Variants in MGST2 observed in about 807,000 individuals in gnomAD.
MGST2 encodes the protein glutathione peroxidase MGST2.
A neutral mutation model predicts 16.6 loss-of-function variants in MGST2; 9 were observed. That is an observed-to-expected ratio of 0.54 (90% CI 0.33 to 0.95). The LOEUF (loss-of-function observed/expected upper bound fraction) is 0.95, where lower values mean the gene tolerates loss of function less well. Ranked by LOEUF, MGST2 falls within the 40% of genes least tolerant of loss-of-function variation. The pLI is 0.03. For missense variants in MGST2, 159 were observed against 175.1 expected, an observed-to-expected ratio of 0.91 and a Z score of 0.52; for synonymous variants, 79 against 68.0, an observed-to-expected ratio of 1.16 and a Z score of -0.79.
chr4:139,691,694 G>GATTATT (rs1491509102), intron 2 of MGST2, among the ~76,000 whole-genome samples: 6 of 130,754 alleles, frequency 4.6e-5, no homozygotes, highest in East Asian at 2.4e-4. Flanking sequence ...TGATGATGAT[G>GATTATT]ATGATTATTA....
chr4:139,675,974 C>T (rs1296263519), intron 1 of MGST2, among the ~76,000 whole-genome samples: 2 of 152,086 alleles, frequency 1.3e-5, no homozygotes, highest in African/African-American at 2.4e-5. Flanking sequence ...TAGGGAAGAT[C>T]AATTATTTCT....
chr4:139,666,097 CGT>C lies in MGST2; in HGVS notation c.58+28_58+29del, dbSNP rs746554966. The C allele has an allele frequency of 5.4e-6, 8 of 1,482,494 alleles. No homozygotes were observed. The highest frequency in any genetic ancestry group is 1.8e-4 in the Middle Eastern group (1 of 5,608). The allele number at this position is 1,482,494 out of a possible 1,614,324, so 91.8% of individuals were successfully genotyped here. A position where few individuals can be genotyped will look rare whatever the true frequency, so the allele number is the denominator to read the frequency against. On this transcript the variant is annotated intron_variant, in intron 1 of 4. Coordinates refer to ENST00000265498, the MANE Select transcript of MGST2 (RefSeq NM_002413.5). Reference sequence around the variant, plus strand: ...AGCAAAGTAAGAGGCATGGGAAGTTCGTGTGTGTGCGCGTGTGTGCGTGTGTG... The same window carrying C: ...AGCAAAGTAAGAGGCATGGGAAGTTCGTGTGTGCGCGTGTGTGCGTGTGTG...
chr4:139,707,428 C>T (rs1727563394), downstream of MGST2, among the ~76,000 whole-genome samples: 1 of 152,022 alleles, frequency 6.6e-6, no homozygotes, highest in African/African-American at 2.4e-5. Flanking sequence ...ATATGTGCCA[C>T]ATTTTCTTAA....
At chr4:139,730,989 A>G (rs1001263598) in intron 5 of MGST2, 1 of 340,588 alleles carries the variant, frequency 2.9e-6, no homozygotes, top group Non-Finnish European at 5.5e-6. Flanking sequence ...AGGAAAGGGA[A>G]TAAGCCCTCA....
intron 5 of MGST2, among the ~76,000 whole-genome samples, chr4:139,710,694 C>T (rs963021421): frequency 2.0e-5 from 3 of 152,144 alleles, no homozygotes; most frequent in African/African-American, 7.2e-5. Context: ...CTAAGGGTAG[C>T]GATGGCCTCT....
At chr4:139,746,075 G>A in the MGST2 span, among the ~76,000 whole-genome samples, 1 of 152,194 alleles carries the variant, frequency 6.6e-6, no homozygotes, top group Admixed American at 6.5e-5. Flanking sequence ...ATGACAAGTA[G>A]ACTTCATAAC....
intron 2 of MGST2, among the ~76,000 whole-genome samples, chr4:139,683,937 T>TTTTTTTTG: frequency 6.8e-6 from 1 of 146,026 alleles, no homozygotes. Context: ...TTTTTTTTTT[T>TTTTTTTTG]TTTTTGAGAT....
chr4:139,734,366 T>C (rs978756690), intron 5 of MGST2, among the ~76,000 whole-genome samples: 2 of 152,194 alleles, frequency 1.3e-5, no homozygotes, highest in South Asian at 4.1e-4. Context: ...GTATTTTTAG[T>C]TGTAATTACT....
At chr4:139,694,737 T>C (rs1406083813) in intron 2 of MGST2, among the ~76,000 whole-genome samples, 2 of 152,148 alleles carry the variant, frequency 1.3e-5, no homozygotes, top group African/African-American at 4.8e-5. Context: ...CTCCATAAAA[T>C]GGGAATGAAA....
At chr4:139,719,165 G>A (rs1728117404) in intron 5 of MGST2, 1 of 775,692 alleles carries the variant, frequency 1.3e-6, no homozygotes, top group Admixed American at 3.2e-5. Context: ...TGGTGGGGCT[G>A]TGGATTGGCA....
chr4:139,692,112 G>A (rs1317690903), intron 2 of MGST2, among the ~76,000 whole-genome samples: 1 of 152,196 alleles, frequency 6.6e-6, no homozygotes, highest in Non-Finnish European at 1.5e-5. Context: ...AGTACAATGA[G>A]CACAGCTGGG....
the MGST2 span, among the ~76,000 whole-genome samples, chr4:139,749,436 T>C: frequency 1.3e-5 from 2 of 152,234 alleles, no homozygotes; most frequent in Non-Finnish European, 2.9e-5. Context: ...GAAATCTGAT[T>C]GTTTTCTCAG....
At chr4:139,683,283 T>C (rs1731363998) in intron 2 of MGST2, among the ~76,000 whole-genome samples, 1 of 152,170 alleles carries the variant, frequency 6.6e-6, no homozygotes, top group Admixed American at 6.5e-5. Context: ...GGTAGACTCA[T>C]AGAATTTTCT....
At chr4:139,668,576 G>T (rs959119655) in intron 1 of MGST2, among the ~76,000 whole-genome samples, 1 of 148,486 alleles carries the variant, frequency 6.7e-6, no homozygotes, top group African/African-American at 2.5e-5. Context: ...TAAAGGGAAG[G>T]TGGGGTTCAA....
downstream of MGST2, among the ~76,000 whole-genome samples, chr4:139,741,553 A>G (rs1729165535): frequency 6.6e-6 from 1 of 152,060 alleles, no homozygotes; most frequent in Non-Finnish European, 1.5e-5. Context: ...GTTCAGGACC[A>G]GCCTGGGCAA....
rs575974106 is a variant in MGST2, at chr4:139,692,071, G to A, written c.159-3126G>A. Among the ~76,000 whole-genome samples, 7 of 152,284 alleles carry A rather than the reference G, an allele frequency of 4.6e-5. No homozygotes were observed. The South Asian group carries it at 8.3e-4, about 18-fold the overall frequency. ...TCATTTCCAAGGGACTAAGGCTTGA[G>A]GCAGGTCAGCAAAAGAGGGACCAGG... On this transcript the variant is annotated intron_variant, in intron 2 of 4. Transcript: ENST00000265498.
downstream of MGST2, chr4:139,705,845 T>C (rs1010597704): frequency 6.6e-6 from 1 of 152,154 alleles, no homozygotes; most frequent in African/African-American, 2.4e-5. Context: ...GTTCTGACCC[T>C]GAAGTGCAGT....
chr4:139,745,401 G>A (rs1485227520), downstream of MGST2, among the ~76,000 whole-genome samples: 1 of 152,196 alleles, frequency 6.6e-6, no homozygotes, highest in African/African-American at 2.4e-5. Flanking sequence ...GCTGGATCTG[G>A]AGAAAAGTGG....
At chr4:139,689,562 G>A (rs1039555993) in intron 2 of MGST2, among the ~76,000 whole-genome samples, 1 of 152,164 alleles carries the variant, frequency 6.6e-6, no homozygotes, top group African/African-American at 2.4e-5. Context: ...GAAGACCAAG[G>A]CCGGGTCATC....
Sources: gnomAD v4.1 joint callset for allele counts (sites outside exome capture counted in the v4.1 genomes callset) on GRCh38, gnomAD v4.1.1 for gene constraint, MANE v1.5 for transcripts, NCBI Gene and HGNC (gene_info 2026-07-23, HGNC 2026-07-21) for gene names.